The following ATP10A variants were observed in gnomAD, a reference collection of about 807,000 sequenced individuals.
The protein encoded by ATP10A is ATPase phospholipid transporting 10A (putative), also known as phospholipid-transporting ATPase VA.
Under a neutral mutation model 147.8 loss-of-function variants are expected in ATP10A, and 111 were observed. That is an observed-to-expected ratio of 0.75 (90% CI 0.64 to 0.88). The LOEUF is 0.88. Ranked by LOEUF, ATP10A falls within the 40% of genes least tolerant of loss-of-function variation. The probability of loss-of-function intolerance (pLI) is 0.00; values close to 1 mark genes in which losing one functional copy is unlikely to be tolerated. For synonymous variants in ATP10A, 875 were observed against 841.6 expected, an observed-to-expected ratio of 1.04 and a Z score of -0.69; for missense variants, 1,927 against 1,959.0, an observed-to-expected ratio of 0.98 and a Z score of 0.31.
intron 13 of ATP10A, among the ~76,000 whole-genome samples, chr15:25,696,090 C>T (rs1053898165): frequency 6.6e-5 from 10 of 152,114 alleles, no homozygotes; most frequent in African/African-American, 2.4e-4. Context: ...AAACACGCTC[C>T]GGGGAGCCTG....
chr15:25,730,563 A>T (rs1230147544), intron 3 of ATP10A, among the ~76,000 whole-genome samples: 1 of 151,796 alleles, frequency 6.6e-6, no homozygotes, highest in East Asian at 1.9e-4. Flanking sequence ...CCCTACACCC[A>T]CCCACTCCTG....
intron 1 of ATP10A, among the ~76,000 whole-genome samples, chr15:25,861,289 T>C (rs1165568069): frequency 6.6e-6 from 1 of 152,204 alleles, no homozygotes; most frequent in Non-Finnish European, 1.5e-5. Flanking sequence ...TCAGTGACTC[T>C]TACAAAAGTT....
At chr15:25,806,143 G>C (rs952676671) in intron 1 of ATP10A, among the ~76,000 whole-genome samples, 6 of 151,974 alleles carry the variant, frequency 3.9e-5, no homozygotes, top group Non-Finnish European at 5.9e-5. Context: ...AAGTGTGCCT[G>C]GCTCTCCTGC....
intron 1 of ATP10A, among the ~76,000 whole-genome samples, chr15:25,827,669 G>C (rs1273866319): frequency 6.6e-6 from 1 of 152,104 alleles, no homozygotes; most frequent in Non-Finnish European, 1.5e-5. Context: ...ATGACAAGGA[G>C]ATAAAAATGG....
chr15:25,839,197 A>G (rs1892706878), intron 1 of ATP10A, among the ~76,000 whole-genome samples: 1 of 152,178 alleles, frequency 6.6e-6, no homozygotes, highest in Non-Finnish European at 1.5e-5. Context: ...CAAGGCTGGG[A>G]TAATATGTAA....
intron 1 of ATP10A, among the ~76,000 whole-genome samples, chr15:25,838,686 C>A (rs771930790): frequency 4.6e-5 from 7 of 152,140 alleles, no homozygotes; most frequent in Non-Finnish European, 1.0e-4. Context: ...TCCCTCGGGG[C>A]TTTTTAAGAG....
chr15:25,736,748 G>A (rs566055924), intron 2 of ATP10A, among the ~76,000 whole-genome samples: 2 of 152,168 alleles, frequency 1.3e-5, no homozygotes, highest in East Asian at 1.9e-4. Flanking sequence ...GCTTAGGAGT[G>A]GGGGGAAGGA....
intron 1 of ATP10A, among the ~76,000 whole-genome samples, chr15:25,819,616 C>T (rs1303054729): frequency 6.6e-6 from 1 of 151,972 alleles, no homozygotes; most frequent in African/African-American, 2.4e-5. Context: ...CAAAAAGACA[C>T]ACCTGCACCT....
At chr15:25,698,234 C>T (rs888621053) in intron 13 of ATP10A, among the ~76,000 whole-genome samples, 1 of 152,168 alleles carries the variant, frequency 6.6e-6, no homozygotes, top group African/African-American at 2.4e-5. Flanking sequence ...GTATGGCATA[C>T]ATGAGAAATA....
intron 1 of ATP10A, among the ~76,000 whole-genome samples, chr15:25,851,905 A>T (rs1003302191): frequency 1.3e-5 from 2 of 152,344 alleles, no homozygotes; most frequent in South Asian, 4.1e-4. Flanking sequence ...CTCTAAAAAT[A>T]AAACTGTTTT....
At chr15:25,753,024 A>G (rs1461374096) in intron 2 of ATP10A, among the ~76,000 whole-genome samples, 1 of 152,212 alleles carries the variant, frequency 6.6e-6, no homozygotes, top group African/African-American at 2.4e-5. Flanking sequence ...ATTTGTGAAT[A>G]CAATATAGAA....
intron 15 of ATP10A, among the ~76,000 whole-genome samples, chr15:25,688,361 T>A (rs1262067419): frequency 6.6e-6 from 1 of 152,128 alleles, no homozygotes; most frequent in East Asian, 1.9e-4. Flanking sequence ...GCCTCCCACA[T>A]ACTCCCAACC....
At chr15:25,727,038 C>A in intron 4 of ATP10A, 122 bp downstream of exon 4, 4 of 660,392 alleles carry the variant, frequency 6.1e-6, no homozygotes, top group Non-Finnish European at 9.8e-6. Flanking sequence ...GCCTGGGCGA[C>A]AGTGCGAGAC....
At chr15:25,727,780 A>C (rs1170266872) in intron 3 of ATP10A, among the ~76,000 whole-genome samples, 2 of 152,230 alleles carry the variant, frequency 1.3e-5, no homozygotes, top group Admixed American at 1.3e-4. Context: ...ATGTGGTCTG[A>C]AATGTGGTAA....
chr15:25,833,981 G>A (rs538254552), intron 1 of ATP10A, among the ~76,000 whole-genome samples: 50 of 147,876 alleles, frequency 3.4e-4, no homozygotes, highest in Non-Finnish European at 4.0e-4. Context: ...CAAAAAAAAC[G>A]AACAAACAAA....
intron 16 of ATP10A, 153 bp from the exon 17 acceptor site, chr15:25,683,639 C>G (rs1218420517): frequency 1.4e-6 from 1 of 710,174 alleles, no homozygotes; most frequent in Non-Finnish European, 2.3e-6. Flanking sequence ...ACCTTGAGCC[C>G]TGCTGCTGGC....
In ATP10A at chr15:25,695,157, C is replaced by A; in HGVS notation, c.2761-11G>T. The stretch of plus-strand genomic sequence containing the variant: ...GGCTGCACACGCCTCCTGAAAGGGA[C>A]ATGAGAGGACAGCGCAGTTCCCTCA... On this transcript the variant is annotated splice_polypyrimidine_tract_variant and intron_variant, in intron 13 of 20. Transcript: ENST00000555815. 6.2e-7 allele frequency: 1 copy of A among 1,600,294 alleles called. No homozygotes were observed. The highest frequency in any genetic ancestry group is 8.5e-7 in the Non-Finnish European group (1 of 1,171,444).
chr15:25,863,408 C>G (rs1567441554), upstream of ATP10A, among the ~76,000 whole-genome samples: 1 of 152,102 alleles, frequency 6.6e-6, no homozygotes, highest in African/African-American at 2.4e-5. Context: ...GCCACGGCCC[C>G]GCCCTCGTTC....
intron 13 of ATP10A, among the ~76,000 whole-genome samples, chr15:25,701,190 G>A (rs1305571714): frequency 6.6e-6 from 1 of 152,170 alleles, no homozygotes; most frequent in Non-Finnish European, 1.5e-5. Flanking sequence ...AGATGAGTGG[G>A]GGCTGCTGCA....
Sources: gnomAD v4.1 joint callset for allele counts (sites outside exome capture counted in the v4.1 genomes callset) on GRCh38, gnomAD v4.1.1 for gene constraint, MANE v1.5 for transcripts, NCBI Gene and HGNC (gene_info 2026-07-23, HGNC 2026-07-21) for gene names.